The following PRAMEF1 variants were observed in gnomAD, a reference collection of about 807,000 sequenced individuals.
The protein encoded by PRAMEF1 is PRAME family member 1.
PRAMEF1 carries 21 observed loss-of-function variants against 38.2 expected under a neutral mutation model. The observed-to-expected ratio is 0.55, with a 90% confidence interval of 0.39 to 0.79. The LOEUF (loss-of-function observed/expected upper bound fraction) is 0.79, where lower values mean the gene tolerates loss of function less well. Among genes scored for constraint, PRAMEF1 ranks in the 30% least tolerant of loss-of-function variants. The pLI is 0.00. For synonymous variants in PRAMEF1, 200 were observed against 229.0 expected (o/e 0.87, Z 1.14); for missense variants, 497 against 565.8 (o/e 0.88, Z 1.23).
At position 12,793,214 on chromosome 1, in the gene PRAMEF1, G is replaced by T; in HGVS notation, c.-14G>T. ...GATTTGTCTTCTAGAGATTTTCCTT[G>T]CAGATCTATCAGGATGAGCATCCAG... On this transcript the variant is annotated 5_prime_UTR_variant, in exon 2 of 4. Coordinates refer to ENST00000332296, the MANE Select transcript of PRAMEF1 (RefSeq NM_023013.4). The T allele has an allele frequency of 6.2e-7, 1 of 1,606,518 alleles. No individual in the cohort carries two copies. Among genetic ancestry groups the T allele is most frequent in the Non-Finnish European group, 8.5e-7 (1 of 1,177,004 alleles).
intron 3 of PRAMEF1, 30 bp downstream of exon 3, chr1:12,794,523 G>A: frequency 6.2e-7 from 1 of 1,608,526 alleles, no homozygotes; most frequent in Non-Finnish European, 8.5e-7. Flanking sequence ...TTTGTATGCA[G>A]ACCACAGCAT....
In PRAMEF1 at chr1:12,795,707, T is replaced by C. The variant is rs748850044; in HGVS notation, c.1136T>C (p.Leu379Pro). ...ILPGLSRCSQ[L>P]TTFYFGRNCM... ...CCTGGCCTGAGCCGCTGCTCCCAGCTCACCACCTTCTACTTTGGCAGAAAT... is the reference window on the plus strand; with the variant it reads ...CCTGGCCTGAGCCGCTGCTCCCAGCCCACCACCTTCTACTTTGGCAGAAAT... The change falls in exon 4 of 4, where the codon CTC (leucine) becomes CCC (proline). Residue 379 changes from leucine to proline, a missense_variant. Leu to Pro is a moderately conservative substitution (Grantham distance 98, BLOSUM62 -3). Transcript: ENST00000332296. The C allele has an allele frequency of 6.2e-7, 1 of 1,611,402 alleles. No individual in the cohort carries two copies. The highest frequency in any genetic ancestry group is 1.3e-5 in the African/African-American group (1 of 74,680).
In PRAMEF1 at chr1:12,794,549, C is replaced by T. The variant is rs991767812; in HGVS notation, c.866+56C>T. The T allele has an allele frequency of 3.1e-6, 5 of 1,598,256 alleles. 1 individual carries two copies. The South Asian group carries it at 4.5e-5, about 14-fold the overall frequency. On this transcript the variant is annotated intron_variant, in intron 3 of 3. Transcript: ENST00000332296. ...ACCACAGCATAGCCTTGTTCTGTAA[C>T]AGCAAACATTAGAATGCATGTACTG... is the stretch of plus-strand genomic sequence containing the variant.
At position 12,795,469 on chromosome 1, in the gene PRAMEF1, T is replaced by A. The variant is rs747338536; in HGVS notation, c.898T>A (p.Leu300Ile). The stretch of plus-strand genomic sequence containing the variant: ...CCAGAACCCCTTGGAGAACTTGGAA[T>A]TAACTTATGGCTACCTATTGGAAGA... Reference protein sequence around the residue: ...CLQNPLENLELTYGYLLEEDM... With the variant: ...CLQNPLENLEITYGYLLEEDM... The change falls in exon 4 of 4, where the codon TTA becomes ATA. Residue 300 changes from leucine (L) to isoleucine (I), a missense_variant. Physicochemically the swap from Leu to Ile is conservative, Grantham distance 5. Transcript: ENST00000332296. 4 of 1,612,190 alleles carry A rather than the reference T, an allele frequency of 2.5e-6. No individual in the cohort carries two copies. In the Admixed American group the frequency reaches 6.7e-5, roughly 27 times the overall value.
Position 12,793,212 on chromosome 1 carries a change from T to A in PRAMEF1, c.-16T>A. The stretch of plus-strand genomic sequence containing the variant: ...TGGATTTGTCTTCTAGAGATTTTCC[T>A]TGCAGATCTATCAGGATGAGCATCC... On this transcript the variant is annotated 5_prime_UTR_variant, in exon 2 of 4. In the 5' UTR this introduces an upstream ATG that the reference lacks. Transcript: ENST00000332296. The A allele has an allele frequency of 6.2e-7, 1 of 1,606,672 alleles. No homozygotes were observed. Among genetic ancestry groups the A allele is most frequent in the Non-Finnish European group, 8.5e-7 (1 of 1,177,054 alleles).
At chr1:12,791,916 T>C (rs1639300273) in intron 1 of PRAMEF1, among the ~76,000 whole-genome samples, 2 of 151,104 alleles carry the variant, frequency 1.3e-5, no homozygotes, top group African/African-American at 4.9e-5. Flanking sequence ...GCCCCTAGGA[T>C]CTGTCCAAAA....
At chr1:12,793,088 G>T in intron 1 of PRAMEF1, 115 bp from the exon 2 acceptor site, 2 of 1,359,206 alleles carry the variant, frequency 1.5e-6, no homozygotes, top group Middle Eastern at 2.7e-4. Context: ...TAAGTCAGTG[G>T]TCTCCATGAC....
chr1:12,791,851 T>G (rs1398070381), intron 1 of PRAMEF1, among the ~76,000 whole-genome samples: 1 of 150,886 alleles, frequency 6.6e-6, no homozygotes, highest in African/African-American at 2.4e-5. Flanking sequence ...CTTAAAGGTA[T>G]CCCACACAGC....
At chr1:12,791,760 T>C (rs185141173) in intron 1 of PRAMEF1, among the ~76,000 whole-genome samples, 24 of 151,194 alleles carry the variant, frequency 1.6e-4, no homozygotes, top group African/African-American at 3.1e-4. Context: ...TTGAAGTTAT[T>C]TGTTTTTGTG....
rs773514209 is a variant in PRAMEF1, at chr1:12,794,017, T to C, written c.390T>C (p.Ser130=). The C allele has an allele frequency of 2.5e-6, 4 of 1,607,960 alleles. No homozygotes were observed. Among genetic ancestry groups the C allele is most frequent in the Admixed American group, 3.4e-5 (2 of 59,692 alleles). ...WALSCFPETT[S]KRQTAEDCPR... is the part of the protein sequence containing the mutation. ...TGTCCTGCTTCCCAGAGACCACGAG[T>C]AAGAGGCAGACAGCAGAGGACTGTC... Residue 130 remains serine (S), a synonymous_variant, in exon 3 of 4, where the codon AGT becomes AGC. Transcript: ENST00000332296.
At chr1:12,795,319 C>T (rs1382424210) in intron 3 of PRAMEF1, 119 bp from the exon 4 acceptor site, 7 of 775,616 alleles carry the variant, frequency 9.0e-6, no homozygotes, top group Non-Finnish European at 1.3e-5. Flanking sequence ...TCCATGAGGA[C>T]CATCATCAGA....
In PRAMEF1 at chr1:12,796,320, C is replaced by T; in HGVS notation, c.*324C>T. On this transcript the variant is annotated 3_prime_UTR_variant, in exon 4 of 4. Transcript: ENST00000332296. Reference sequence around the variant, plus strand: ...CAGTGTGAGGGAAAAAACATAACAGCAGGGGGCAAGGTTGGAGGAAAATGT... The same window carrying T: ...CAGTGTGAGGGAAAAAACATAACAGTAGGGGGCAAGGTTGGAGGAAAATGT... 4 of 395,082 alleles carry T rather than the reference C, an allele frequency of 1.0e-5. No individual in the cohort carries two copies. The highest frequency in any genetic ancestry group is 5.9e-5 in the East Asian group (1 of 16,898). The allele number at this position is 395,082 out of a possible 1,614,324, so 24.5% of individuals were successfully genotyped here. A position where few individuals can be genotyped will look rare whatever the true frequency, so the allele number is the denominator to read the frequency against.
chr1:12,795,564 G>A lies in PRAMEF1; in HGVS notation c.993G>A (p.Leu331=), dbSNP rs1438312237. 6.2e-7 allele frequency: 1 copy of A among 1,612,416 alleles called. No homozygotes were observed. Among genetic ancestry groups the A allele is most frequent in the Non-Finnish European group, 8.5e-7 (1 of 1,179,760 alleles). The change falls in exon 4 of 4, where the codon CTG becomes CTA. Residue 331 remains leucine, a synonymous_variant. Transcript: ENST00000332296. ...AGCATCTGAATCTCAGCTACGTGCTGCTGTTCCGCATCAGTCTTGAACCCC... is the reference window on the plus strand; with the variant it reads ...AGCATCTGAATCTCAGCTACGTGCTACTGTTCCGCATCAGTCTTGAACCCC... ...YLKHLNLSYV[L]LFRISLEPLG... is the part of the protein sequence containing the mutation.
In PRAMEF1 at chr1:12,795,722, T is replaced by C; in HGVS notation, c.1151T>C (p.Phe384Ser). The C allele has an allele frequency of 6.2e-7, 1 of 1,611,422 alleles. No individual in the cohort carries two copies. The highest frequency in any genetic ancestry group is 8.5e-7 in the Non-Finnish European group (1 of 1,179,720). Reference protein sequence around the residue: ...SRCSQLTTFYFGRNCMSIDAL... With the variant: ...SRCSQLTTFYSGRNCMSIDAL... ...TGCTCCCAGCTCACCACCTTCTACTTTGGCAGAAATTGCATGTCTATTGAC... is the reference window on the plus strand; with the variant it reads ...TGCTCCCAGCTCACCACCTTCTACTCTGGCAGAAATTGCATGTCTATTGAC... Residue 384 changes from phenylalanine (F) to serine (S), a missense_variant, in exon 4 of 4, where the codon TTT (phenylalanine) becomes TCT (serine). By Grantham distance (155) the Phe-to-Ser change is radical (BLOSUM62 -2). Transcript: ENST00000332296.
In PRAMEF1 at chr1:12,793,847, G is replaced by A. The variant is rs1639338825; in HGVS notation, c.288-68G>A. 6.3e-6 allele frequency: 9 copies of A among 1,426,398 alleles called. 2 individuals carry two copies. Among genetic ancestry groups the A allele is most frequent in the Non-Finnish European group, 8.7e-6 (9 of 1,028,874 alleles). 88.4% of individuals were successfully genotyped at this position (1,426,398 alleles called of 1,614,324 possible). A position where few individuals can be genotyped will look rare whatever the true frequency, so the allele number is the denominator to read the frequency against. On this transcript the variant is annotated intron_variant, in intron 2 of 3. Transcript: ENST00000332296. ...GACAGGAGCAGCTGATTTATGGGAT[G>A]ACAATGAAAGCAAAGGTCAGGGATG...
At position 12,795,734 on chromosome 1, in the gene PRAMEF1, G is replaced by T. The variant is rs753179092; in HGVS notation, c.1163G>T (p.Cys388Phe). The change falls in exon 4 of 4, where the codon TGC (cysteine) becomes TTC (phenylalanine). Residue 388 changes from cysteine (C) to phenylalanine (F), a missense_variant. This residue lies in a region of PRAMEF1 where 470 missense variants were observed against 501.9 expected (regional missense o/e 0.94). Coordinates refer to ENST00000332296, the MANE Select transcript of PRAMEF1 (RefSeq NM_023013.4). The stretch of plus-strand genomic sequence containing the variant: ...ACCACCTTCTACTTTGGCAGAAATT[G>T]CATGTCTATTGACGCCCTGAAGGAC... ...QLTTFYFGRN[C>F]MSIDALKDLL... 8 of 1,611,396 alleles carry T rather than the reference G, an allele frequency of 5.0e-6. No homozygotes were observed. The highest frequency in any genetic ancestry group is 5.1e-6 in the Non-Finnish European group (6 of 1,179,734).
In PRAMEF1 at chr1:12,795,480, C is replaced by T. The variant is rs1557597427; in HGVS notation, c.909C>T (p.Gly303=). The T allele has an allele frequency of 6.2e-7, 1 of 1,612,376 alleles. No homozygotes were observed. Among genetic ancestry groups the T allele is most frequent in the Non-Finnish European group, 8.5e-7 (1 of 1,179,110 alleles). Residue 303 remains glycine, a synonymous_variant, in exon 4 of 4, where the codon GGC becomes GGT. Transcript: ENST00000332296. ...TGGAGAACTTGGAATTAACTTATGG[C>T]TACCTATTGGAAGAAGACATGAAGT... ...NPLENLELTY[G]YLLEEDMKCL...
At position 12,794,380 on chromosome 1, in the gene PRAMEF1, C is replaced by G. The variant is rs758951525; in HGVS notation, c.753C>G (p.Leu251=). 6.2e-7 allele frequency: 1 copy of G among 1,611,644 alleles called. No homozygotes were observed. Among genetic ancestry groups the G allele is most frequent in the South Asian group, 1.1e-5 (1 of 90,796 alleles). The change falls in exon 3 of 4, where the codon CTC becomes CTG. Residue 251 remains leucine, a synonymous_variant. Transcript: ENST00000332296. The part of the protein sequence containing the change: ...RCHHYTSDNE[L]EGRLVAKFSS... ...ATCATTACACGTCAGATAATGAACT[C>G]GAAGGACGGTTAGTTGCCAAATTCA...
chr1:12,794,543 C>T (rs1639358210), intron 3 of PRAMEF1, 50 bp downstream of exon 3: 1 of 1,601,944 alleles, frequency 6.2e-7, no homozygotes, highest in Admixed American at 1.7e-5. Context: ...TAGCCTTGTT[C>T]TGTAACAGCA....
Sources: allele counts gnomAD v4.1 joint callset (sites outside exome capture counted in the v4.1 genomes callset), GRCh38; gene constraint gnomAD v4.1.1; regional missense constraint gnomAD v4.1.1; transcripts MANE v1.5; gene names NCBI Gene and HGNC (gene_info 2026-07-23, HGNC 2026-07-21).